The following RPRD1B variants were observed in gnomAD, a reference collection of about 807,000 sequenced individuals.
The protein encoded by RPRD1B is regulation of nuclear pre-mRNA domain containing 1B.
In RPRD1B, 11 loss-of-function variants were observed where a neutral mutation model predicts 41.5. The observed-to-expected ratio is 0.27, with a 90% CI of 0.17 to 0.44. RPRD1B has a LOEUF of 0.44. Among genes scored for constraint, RPRD1B ranks in the 20% least tolerant of loss-of-function variants. The pLI is 1.00. For missense variants in RPRD1B, 248 were observed against 389.9 expected (o/e 0.64, Z 3.06); for synonymous variants, 158 against 155.6 (o/e 1.02, Z -0.12).
At chr20:38,063,997 A>T (rs1476535024) in intron 5 of RPRD1B, among the ~76,000 whole-genome samples, 1 of 152,148 alleles carries the variant, frequency 6.6e-6, no homozygotes, top group Non-Finnish European at 1.5e-5. Context: ...AGTATTTGCC[A>T]TTTTTTGCCA....
chr20:38,063,644 A>T (rs891055770), intron 5 of RPRD1B, among the ~76,000 whole-genome samples: 9 of 152,096 alleles, frequency 5.9e-5, no homozygotes, highest in African/African-American at 2.2e-4. Flanking sequence ...TTTTCTTAGG[A>T]GGGAGAGAGA....
chr20:38,050,431 C>T (rs776602715), intron 3 of RPRD1B, among the ~76,000 whole-genome samples: 1 of 152,234 alleles, frequency 6.6e-6, no homozygotes, highest in Non-Finnish European at 1.5e-5. Context: ...TGGAGGTCTT[C>T]AGTACAGCTT....
At chr20:38,059,733 C>CA (rs1237884730) in intron 5 of RPRD1B, among the ~76,000 whole-genome samples, 1 of 152,154 alleles carries the variant, frequency 6.6e-6, no homozygotes, top group African/African-American at 2.4e-5. Context: ...GGAATTATTG[C>CA]AGAAATGCTG....
chr20:38,048,742 C>A, intron 3 of RPRD1B: 1 of 285,756 alleles, frequency 3.5e-6, no homozygotes, highest in Non-Finnish European at 5.2e-6. Context: ...CAGAGACTTT[C>A]CTTGCACAAG....
intron 4 of RPRD1B, among the ~76,000 whole-genome samples, chr20:38,058,596 T>C (rs2074266870): frequency 6.6e-6 from 1 of 152,246 alleles, no homozygotes. Flanking sequence ...TTTCTTGTTT[T>C]TTCCCCCTGG....
intron 2 of RPRD1B, among the ~76,000 whole-genome samples, chr20:38,047,390 C>T (rs1212009780): frequency 6.6e-6 from 1 of 152,102 alleles, no homozygotes; most frequent in African/African-American, 2.4e-5. Flanking sequence ...GAATAGAGTT[C>T]CCATCTCAGT....
chr20:38,062,120 A>G lies in RPRD1B; in HGVS notation c.655+2600A>G, dbSNP rs113085167. On this transcript the variant is annotated intron_variant, in intron 5 of 6. Transcript: ENST00000373433. Reference sequence around the variant, plus strand: ...ATGGAGGAAGCAACTGTGATAAGGCATAAGATAATTAATTGGTGATATTCC... The same window carrying G: ...ATGGAGGAAGCAACTGTGATAAGGCGTAAGATAATTAATTGGTGATATTCC... 9.8e-5 allele frequency among the ~76,000 whole-genome samples: 15 copies of G among 152,360 alleles called. No homozygotes were observed. The East Asian group carries it at 1.7e-3, about 18-fold the overall frequency.
intron 6 of RPRD1B, among the ~76,000 whole-genome samples, chr20:38,077,545 T>C (rs2074475049): frequency 6.6e-6 from 1 of 152,154 alleles, no homozygotes; most frequent in African/African-American, 2.4e-5. Flanking sequence ...CCTCAGTTCC[T>C]CTGCTATGCC....
Position 38,091,642 on chromosome 20 carries a change from C to G in RPRD1B, c.*1767C>G, listed in dbSNP as rs1379128279. ...GCACTCCCCAACCTCTCCCCCACCCCCCGTGGTGTGCTGCTTTCTAGATGA... is the reference window on the plus strand; with the variant it reads ...GCACTCCCCAACCTCTCCCCCACCCGCCGTGGTGTGCTGCTTTCTAGATGA... On this transcript the variant is annotated 3_prime_UTR_variant, in exon 7 of 7. Coordinates refer to ENST00000373433, the MANE Select transcript of RPRD1B (RefSeq NM_021215.4). The G allele has an allele frequency of 1.5e-5, 15 of 985,544 alleles. No homozygotes were observed. The highest frequency in any genetic ancestry group is 2.3e-4 in the East Asian group (2 of 8,834). 61.0% of individuals were successfully genotyped at this position (985,544 alleles called of 1,614,324 possible). A position where few individuals can be genotyped will look rare whatever the true frequency, so the allele number is the denominator to read the frequency against.
intron 2 of RPRD1B, among the ~76,000 whole-genome samples, chr20:38,045,605 C>T (rs2074113071): frequency 6.6e-6 from 1 of 152,214 alleles, no homozygotes; most frequent in African/African-American, 2.4e-5. Flanking sequence ...TCATTTTCCA[C>T]TGTGCCTGAA....
At chr20:38,063,600 T>A (rs2074323085) in intron 5 of RPRD1B, among the ~76,000 whole-genome samples, 1 of 152,090 alleles carries the variant, frequency 6.6e-6, no homozygotes, top group Non-Finnish European at 1.5e-5. Flanking sequence ...GGTATGTAGG[T>A]GGAATACATG....
chr20:38,067,862 C>T (rs117747410), intron 6 of RPRD1B, among the ~76,000 whole-genome samples: 2,373 of 152,352 alleles, frequency 0.016, 35 homozygotes, highest in Non-Finnish European at 0.025. Flanking sequence ...TTGTAAGTCA[C>T]CATGCCATCT....
intron 6 of RPRD1B, among the ~76,000 whole-genome samples, chr20:38,087,508 A>C (rs1433552566): frequency 2.0e-5 from 3 of 152,118 alleles, no homozygotes; most frequent in Non-Finnish European, 4.4e-5. Context: ...GTTGGTTCTG[A>C]GTCGAGGTGG....
chr20:38,091,171 C>CCTTT lies in RPRD1B; in HGVS notation c.*1297_*1298insTTTC. ...TTGGAAAGGGCAGAAAGCGATTTGC[C>CCTTT]CCAGTAGTGTAATAGGAGTTATAGA... On this transcript the variant is annotated 3_prime_UTR_variant, in exon 7 of 7. Transcript: ENST00000373433. 1 of 985,636 alleles carries CCTTT rather than the reference C, an allele frequency of 1.0e-6. No homozygotes were observed. Among genetic ancestry groups the CCTTT allele is most frequent in the Non-Finnish European group, 1.2e-6 (1 of 829,894 alleles). The allele number at this position is 985,636 out of a possible 1,614,324, so 61.1% of individuals were successfully genotyped here. A position where few individuals can be genotyped will look rare whatever the true frequency, so the allele number is the denominator to read the frequency against.
Position 38,066,206 on chromosome 20 carries a change from T to A in RPRD1B, c.781T>A (p.Tyr261Asn). 6.2e-7 allele frequency: 1 copy of A among 1,613,988 alleles called. No homozygotes were observed. The highest frequency in any genetic ancestry group is 8.5e-7 in the Non-Finnish European group (1 of 1,180,000). Residue 261 changes from tyrosine (Y) to asparagine (N), a missense_variant, in exon 6 of 7, where the codon TAT (tyrosine) becomes AAT (asparagine). By Grantham distance (143) the Tyr-to-Asn change is moderately radical (BLOSUM62 -2). Transcript: ENST00000373433. ...RRQLARMLVE[Y>N]TQNQKDVLSE... Reference sequence around the variant, plus strand: ...CCAGCTGGCTCGGATGTTGGTGGAGTATACCCAGAATCAGAAAGATGTTTT... The same window carrying A: ...CCAGCTGGCTCGGATGTTGGTGGAGAATACCCAGAATCAGAAAGATGTTTT...
chr20:38,063,821 C>T (rs182463478), intron 5 of RPRD1B, among the ~76,000 whole-genome samples: 2 of 152,286 alleles, frequency 1.3e-5, no homozygotes, highest in East Asian at 3.9e-4. Context: ...GTGGGTAGGT[C>T]CCCCGAAGCG....
chr20:38,034,166 C>G, intron 1 of RPRD1B, 68 bp downstream of exon 1: 2 of 1,491,426 alleles, frequency 1.3e-6, no homozygotes, highest in Admixed American at 4.1e-5. Flanking sequence ...CAACCTAGGC[C>G]CCTCTAAGCC....
chr20:38,055,430 C>G (rs2074229743), intron 3 of RPRD1B, among the ~76,000 whole-genome samples: 1 of 151,690 alleles, frequency 6.6e-6, no homozygotes, highest in Admixed American at 6.6e-5. Context: ...TAAAATACCT[C>G]TCAGTTTCTT....
In RPRD1B at chr20:38,091,185, A is replaced by G. The variant is rs761126998; in HGVS notation, c.*1310A>G. The G allele has an allele frequency of 1.0e-6, 1 of 985,866 alleles. No homozygotes were observed. The highest frequency in any genetic ancestry group is 1.2e-6 in the Non-Finnish European group (1 of 829,932). The allele number at this position is 985,866 out of a possible 1,614,324, so 61.1% of individuals were successfully genotyped here. A position where few individuals can be genotyped will look rare whatever the true frequency, so the allele number is the denominator to read the frequency against. On this transcript the variant is annotated 3_prime_UTR_variant, in exon 7 of 7. Transcript: ENST00000373433. ...AAGCGATTTGCCCCAGTAGTGTAAT[A>G]GGAGTTATAGACCAGAGGCTGAAAC...
Sources: gnomAD v4.1 joint callset for allele counts (sites outside exome capture counted in the v4.1 genomes callset) on GRCh38, gnomAD v4.1.1 for gene constraint, MANE v1.5 for transcripts, NCBI Gene and HGNC (gene_info 2026-07-23, HGNC 2026-07-21) for gene names.